ITGA7: variants seen among roughly 807,000 people sequenced by gnomAD.
The protein encoded by ITGA7 is integrin alpha-7.
ITGA7 carries 84 observed loss-of-function variants against 131.6 expected under a neutral mutation model. That is an observed-to-expected ratio of 0.64 (90% CI 0.54 to 0.77). The LOEUF is 0.77. ITGA7 is among the 30% of genes least tolerant of loss of function. The pLI is 0.00. For synonymous variants in ITGA7, 548 were observed against 600.7 expected, an observed-to-expected ratio of 0.91 and a Z score of 1.28; for missense variants, 1,399 against 1,482.9, an observed-to-expected ratio of 0.94 and a Z score of 0.93.
chr12:55,689,060 G>C, intron 21 of ITGA7, 103 bp from the exon 22 acceptor site: 1 of 846,820 alleles, frequency 1.2e-6, no homozygotes. Flanking sequence ...CCCTCCTCCA[G>C]GAAGTCTTCT....
At chr12:55,687,158 G>C (rs1230200438) in intron 24 of ITGA7, among the ~76,000 whole-genome samples, 1 of 144,890 alleles carries the variant, frequency 6.9e-6, no homozygotes, top group Non-Finnish European at 1.5e-5. Context: ...AACGAGATCT[G>C]CATCTGATTT....
intron 12 of ITGA7, among the ~76,000 whole-genome samples, chr12:55,696,691 C>T (rs1342861914): frequency 6.6e-6 from 1 of 152,094 alleles, no homozygotes; most frequent in Non-Finnish European, 1.5e-5. Context: ...ACATGAAGCC[C>T]CTTGCACCTC....
At chr12:55,688,126 G>A (rs1870634529) in intron 23 of ITGA7, 30 bp from the exon 24 acceptor site, 2 of 1,614,058 alleles carry the variant, frequency 1.2e-6, no homozygotes, top group South Asian at 1.1e-5. Flanking sequence ...TGGAGCAAGA[G>A]GTCAATGGAA....
chr12:55,686,298 C>T (rs777855503), intron 24 of ITGA7: 11 of 1,340,022 alleles, frequency 8.2e-6, no homozygotes, highest in South Asian at 4.7e-5. Context: ...CTGGCTGCTC[C>T]GATGGAAGAA....
In ITGA7 at chr12:55,694,799, C is replaced by T. The variant is rs1872273210; in HGVS notation, c.2175G>A (p.Gly725=). 2.5e-6 allele frequency: 4 copies of T among 1,614,014 alleles called. No homozygotes were observed. The highest frequency in any genetic ancestry group is 3.4e-6 in the Non-Finnish European group (4 of 1,179,988). The change falls in exon 15 of 25, where the codon GGG becomes GGA. Residue 725 remains glycine, a synonymous_variant. Coordinates refer to ENST00000257879, the MANE Select transcript of ITGA7 (RefSeq NM_002206.3). This position sits in a 1 kb window ranked among gnomAD's most constrained non-coding sequence, Gnocchi z 5.3. ...VMLPDSLHYS[G]VRALDPAEKP... is the part of the protein sequence containing the mutation. ...TCACCGCAGGGTCCAGGGCCCGGAC[C>T]CCTGAGTAGTGCAGTGAGTCAGGAA...
In ITGA7 at chr12:55,704,268, TGG is replaced by T. The variant is rs930612317; in HGVS notation, c.207-1092_207-1091del. ...AGGCAGTATTACAGACAGGCATCTG[TGG>T]GGCACTGTGCCAGCTCTGATGGGGT... is the stretch of plus-strand genomic sequence containing the variant. On this transcript the variant is annotated intron_variant, in intron 1 of 24. Coordinates refer to ENST00000257879, the MANE Select transcript of ITGA7 (RefSeq NM_002206.3). Among the ~76,000 whole-genome samples the T allele has an allele frequency of 7.9e-4, 121 of 152,288 alleles. 1 individual carries two copies. Among genetic ancestry groups the T allele is most frequent in the Middle Eastern group, 3.4e-3 (1 of 294 alleles).
upstream of ITGA7, among the ~76,000 whole-genome samples, chr12:55,715,053 G>T (rs1043743119): frequency 6.6e-6 from 1 of 152,006 alleles, no homozygotes; most frequent in Non-Finnish European, 1.5e-5. Context: ...TAGATACAAG[G>T]TTTCACCATG....
At chr12:55,715,983 C>T, upstream of ITGA7, 7 of 1,470,298 alleles carry the variant, frequency 4.8e-6, no homozygotes, top group Middle Eastern at 2.1e-4. Context: ...CTCTCTTCCC[C>T]GCCAAGATCT....
rs770025813 is a variant in ITGA7 at position 55,698,831 on chromosome 12, C to A, written c.877G>T (p.Ala293Ser). Residue 293 changes from alanine (A) to serine (S), a missense_variant, in exon 6 of 25, where the codon GCT becomes TCT. Coordinates refer to ENST00000257879, the MANE Select transcript of ITGA7 (RefSeq NM_002206.3). ...CTGTCCTTGCGCAGGATGACCACAG[C>A]ACCCTTGTGGTTGGCGCGGGGGGCT... is the stretch of plus-strand genomic sequence containing the variant. ...AGAPRANHKG[A>S]VVILRKDSAS... 1.2e-6 allele frequency: 2 copies of A among 1,614,010 alleles called. No homozygotes were observed. Among genetic ancestry groups the A allele is most frequent in the Non-Finnish European group, 1.7e-6 (2 of 1,179,994 alleles).
chr12:55,700,292 G>T, intron 4 of ITGA7: 1 of 1,608,994 alleles, frequency 6.2e-7, no homozygotes, highest in Non-Finnish European at 8.5e-7. Flanking sequence ...ACCGGGATGA[G>T]GCGGGGGTCC....
upstream of ITGA7, among the ~76,000 whole-genome samples, chr12:55,715,624 C>G (rs1876456445): frequency 2.0e-5 from 3 of 152,222 alleles, no homozygotes; most frequent in Admixed American, 2.0e-4. Context: ...ACAATGATCA[C>G]CCAGAGCTGA....
intron 24 of ITGA7, among the ~76,000 whole-genome samples, chr12:55,687,749 C>CA (rs1205943449): frequency 6.6e-6 from 1 of 152,172 alleles, no homozygotes; most frequent in African/African-American, 2.4e-5. Flanking sequence ...CTAGGCCTCC[C>CA]AAAGTGCTGA....
intron 3 of ITGA7, among the ~76,000 whole-genome samples, chr12:55,701,583 C>CT (rs11356595): frequency 2.5e-4 from 37 of 145,164 alleles, no homozygotes; most frequent in Non-Finnish European, 4.5e-4. Flanking sequence ...CCAAGTATTA[C>CT]TTTTTTTTTT....
chr12:55,696,153 G>T (rs1415413707), intron 13 of ITGA7, 130 bp downstream of exon 13: 1 of 989,610 alleles, frequency 1.0e-6, no homozygotes, highest in Non-Finnish European at 1.5e-6. Context: ...GGCACCTAGA[G>T]ATATGAGGAA....
At chr12:55,702,228 G>A (rs1237781655) in intron 3 of ITGA7, among the ~76,000 whole-genome samples, 1 of 147,254 alleles carries the variant, frequency 6.8e-6, no homozygotes, top group Non-Finnish European at 1.5e-5. Context: ...CACCCAGGCT[G>A]GAGCGCAGTG....
At position 55,699,931 on chromosome 12, in the gene ITGA7, A is replaced by C; in HGVS notation, c.729T>G (p.Thr243=). 6 of 1,614,054 alleles carry C rather than the reference A, an allele frequency of 3.7e-6. No homozygotes were observed. The highest frequency in any genetic ancestry group is 5.1e-6 in the Non-Finnish European group (6 of 1,179,994). ...SSDPDQLVYK[T]LDPADRLPGP... is the part of the protein sequence containing the mutation. ...CTGGGAGCCGGTCAGCAGGGTCCAA[A>C]GTTTTATACACCAGCTGGTCGGGGT... Residue 243 remains threonine (T), a synonymous_variant, in exon 5 of 25, where the codon ACT becomes ACG. Transcript: ENST00000257879.
At chr12:55,693,826 G>T (rs1190828154) in intron 19 of ITGA7, among the ~76,000 whole-genome samples, 195 bp downstream of exon 19, 1 of 152,114 alleles carries the variant, frequency 6.6e-6, no homozygotes, top group African/African-American at 2.4e-5. Context: ...CAGCCAGACA[G>T]AATGACCAGG....
chr12:55,710,641 G>A (rs1279662225), upstream of ITGA7, among the ~76,000 whole-genome samples: 1 of 151,702 alleles, frequency 6.6e-6, no homozygotes, highest in Non-Finnish European at 1.5e-5. Flanking sequence ...AGCCAAATCT[G>A]TGGTCCCAGC....
intron 12 of ITGA7, 41 bp downstream of exon 12, chr12:55,696,858 C>A: frequency 1.9e-6 from 3 of 1,608,110 alleles, no homozygotes; most frequent in Non-Finnish European, 2.6e-6. Flanking sequence ...AGAGATGGAG[C>A]CATGAAAATG....
Sources: gnomAD v4.1 joint callset for allele counts (sites outside exome capture counted in the v4.1 genomes callset) on GRCh38, gnomAD v4.1.1 for gene constraint, Gnocchi (gnomAD v3.1) non-coding constraint, MANE v1.5 for transcripts, NCBI Gene and HGNC (gene_info 2026-07-23, HGNC 2026-07-21) for gene names.